Variants in TFEC observed in about 807,000 individuals in gnomAD.
TFEC encodes class E basic helix-loop-helix protein 34.
Under a neutral mutation model 41.6 loss-of-function variants are expected in TFEC, and 31 were observed. The ratio of observed to expected loss-of-function variants is 0.74; its 90% CI spans 0.56 to 1.01. The LOEUF is 1.01. Ranked by LOEUF, TFEC falls within the 50% of genes least tolerant of loss-of-function variation. The pLI is 0.00. For missense variants in TFEC, 402 were observed against 404.1 expected (o/e 0.99, Z 0.04); for synonymous variants, 143 against 140.6 (o/e 1.02, Z -0.12).
intron 2 of TFEC, chr7:116,111,929 T>C (rs564482007): frequency 2.3e-5 from 19 of 830,852 alleles, no homozygotes; most frequent in African/African-American, 1.8e-4. Flanking sequence ...TAGTACTTGA[T>C]TGAATAAACT....
chr7:116,052,099 T>G (rs779384611), intron 3 of TFEC, among the ~76,000 whole-genome samples: 6 of 150,712 alleles, frequency 4.0e-5, no homozygotes, highest in Non-Finnish European at 7.4e-5. Context: ...GGGGATGAGA[T>G]GCAAGGGGCA....
chr7:116,126,147 A>C (rs1162004645), intron 1 of TFEC, among the ~76,000 whole-genome samples: 1 of 152,216 alleles, frequency 6.6e-6, no homozygotes, highest in South Asian at 2.1e-4. Context: ...GTATAAGGAA[A>C]AAAACTCAGA....
chr7:115,947,024 C>T (rs1166630265), intron 6 of TFEC, among the ~76,000 whole-genome samples: 1 of 149,960 alleles, frequency 6.7e-6, no homozygotes, highest in Non-Finnish European at 1.5e-5. Flanking sequence ...CACCCACTAA[C>T]TCGTCATCTA....
At chr7:115,988,495 C>T (rs1562915174) in intron 1 of TFEC, among the ~76,000 whole-genome samples, 1 of 151,736 alleles carries the variant, frequency 6.6e-6, no homozygotes, top group Non-Finnish European at 1.5e-5. Flanking sequence ...TTAAGGATTT[C>T]ACAACAAGAA....
rs542312128 is a variant in TFEC at position 116,147,081 on chromosome 7, G to A, written c.-69+12709C>T. On this transcript the variant is annotated intron_variant, in intron 1 of 8. Transcript: ENST00000484212. ...TGAAACACAGAGAATCAAAAGAGTG[G>A]AAAATATTAAAGTTAAAAGATGTAA... 2.0e-5 allele frequency among the ~76,000 whole-genome samples: 3 copies of A among 152,156 alleles called. No homozygotes were observed. In the East Asian group the frequency reaches 5.8e-4, roughly 29 times the overall value.
chr7:116,132,901 A>T (rs1044387590), intron 1 of TFEC, among the ~76,000 whole-genome samples: 1 of 152,124 alleles, frequency 6.6e-6, no homozygotes, highest in East Asian at 1.9e-4. Context: ...ATGCATATAA[A>T]ATTTCACCAA....
At chr7:116,150,318 TATTTTCAAG>T (rs1466946933) in intron 1 of TFEC, among the ~76,000 whole-genome samples, 3 of 152,156 alleles carry the variant, frequency 2.0e-5, no homozygotes, top group Non-Finnish European at 2.9e-5. Flanking sequence ...AACTTCACTC[TATTTTCAAG>T]ATTTTCAATG....
At chr7:116,031,747 T>C (rs558585220), upstream of TFEC, among the ~76,000 whole-genome samples, 1 of 152,296 alleles carries the variant, frequency 6.6e-6, no homozygotes, top group Non-Finnish European at 1.5e-5. Context: ...TTCAGCACTA[T>C]ATCTTCTGTA....
At chr7:116,046,907 T>C (rs1271253628) in intron 3 of TFEC, among the ~76,000 whole-genome samples, 3 of 152,222 alleles carry the variant, frequency 2.0e-5, no homozygotes, top group African/African-American at 7.2e-5. Flanking sequence ...CACAATCCCT[T>C]GAATTTATTA....
intron 1 of TFEC, among the ~76,000 whole-genome samples, chr7:116,136,212 G>A (rs1480199462): frequency 6.6e-6 from 1 of 151,838 alleles, no homozygotes; most frequent in Non-Finnish European, 1.5e-5. Context: ...AAATGACATT[G>A]GTAACGAATA....
chr7:116,141,195 G>A (rs957040731), intron 1 of TFEC, among the ~76,000 whole-genome samples: 1 of 151,976 alleles, frequency 6.6e-6, no homozygotes, highest in Non-Finnish European at 1.5e-5. Context: ...GCCAGTAAAA[G>A]TAAAAAATAA....
At chr7:115,978,102 ACT>A (rs1018410979) in intron 2 of TFEC, among the ~76,000 whole-genome samples, 2 of 151,950 alleles carry the variant, frequency 1.3e-5, no homozygotes, top group African/African-American at 4.8e-5. Flanking sequence ...TGATTGAGAA[ACT>A]CTCTCTTGAA....
chr7:116,099,813 C>T (rs1215112314), intron 3 of TFEC, among the ~76,000 whole-genome samples: 1 of 152,154 alleles, frequency 6.6e-6, no homozygotes, highest in Non-Finnish European at 1.5e-5. Context: ...GTAACTAATA[C>T]AGCATATTAT....
At chr7:116,006,016 G>C (rs766117760) in intron 1 of TFEC, among the ~76,000 whole-genome samples, 2 of 152,208 alleles carry the variant, frequency 1.3e-5, no homozygotes, top group Admixed American at 1.3e-4. Flanking sequence ...CAGAAGTCAA[G>C]AATTGAGGTT....
chr7:115,942,687 T>G (rs758411396), intron 6 of TFEC, among the ~76,000 whole-genome samples: 2 of 152,048 alleles, frequency 1.3e-5, no homozygotes, highest in Non-Finnish European at 2.9e-5. Context: ...ACATTTAAGA[T>G]AAGTAAATAT....
chr7:115,979,579 C>T (rs989296085), intron 2 of TFEC, among the ~76,000 whole-genome samples: 1 of 152,120 alleles, frequency 6.6e-6, no homozygotes, highest in African/African-American at 2.4e-5. Flanking sequence ...ATTGACCGTT[C>T]TAAGTTCTTT....
At chr7:115,978,148 T>C (rs1305372488) in intron 2 of TFEC, among the ~76,000 whole-genome samples, 2 of 152,100 alleles carry the variant, frequency 1.3e-5, no homozygotes, top group Non-Finnish European at 2.9e-5. Context: ...ATATTTTGTC[T>C]ATAAGAGACA....
intron 1 of TFEC, among the ~76,000 whole-genome samples, chr7:116,148,693 A>G (rs966160395): frequency 4.6e-5 from 7 of 152,192 alleles, no homozygotes; most frequent in African/African-American, 1.7e-4. Flanking sequence ...GGAAGAGGGA[A>G]GACATCAGCA....
At chr7:115,999,903 T>A (rs1276992933) in intron 1 of TFEC, among the ~76,000 whole-genome samples, 1 of 148,834 alleles carries the variant, frequency 6.7e-6, no homozygotes, top group Non-Finnish European at 1.5e-5. Context: ...TTTAAAGAAT[T>A]AATACCAATA....
Sources: allele counts gnomAD v4.1 joint callset (sites outside exome capture counted in the v4.1 genomes callset), GRCh38; gene constraint gnomAD v4.1.1; transcripts MANE v1.5; gene names NCBI Gene and HGNC (gene_info 2026-07-23, HGNC 2026-07-21).